Variants in TNFRSF10B observed in about 807,000 individuals in gnomAD.
The protein encoded by TNFRSF10B is TNF receptor superfamily member 10b.
A neutral mutation model predicts 41.4 loss-of-function variants in TNFRSF10B; 35 were observed. The observed-to-expected ratio is 0.85, with a 90% CI of 0.65 to 1.12. The LOEUF is 1.12. TNFRSF10B is among the 50% of genes most tolerant of loss of function. The pLI, the probability that TNFRSF10B is intolerant of heterozygous loss-of-function variation, is 0.00. For synonymous variants in TNFRSF10B, 230 were observed against 215.5 expected (o/e 1.07, Z -0.59); for missense variants, 584 against 552.7 (o/e 1.06, Z -0.57).
chr8:23,027,890 G>T (rs1013374013), intron 5 of TNFRSF10B, 137 bp from the exon 6 acceptor site: 12 of 996,530 alleles, frequency 1.2e-5, no homozygotes, highest in Non-Finnish European at 1.8e-5. Context: ...ACAGAATGGG[G>T]CCTTACAACT....
At chr8:23,027,866 C>G (rs1249803589) in intron 5 of TNFRSF10B, 113 bp from the exon 6 acceptor site, 1 of 1,343,224 alleles carries the variant, frequency 7.4e-7, no homozygotes, top group East Asian at 2.5e-5. Context: ...GGACAAGGAG[C>G]CCTGGGGCTG....
chr8:23,043,493 C>T (rs977697655), intron 1 of TNFRSF10B, among the ~76,000 whole-genome samples: 4 of 152,180 alleles, frequency 2.6e-5, no homozygotes, highest in African/African-American at 9.7e-5. Context: ...AAAGTTTTTA[C>T]AAGAATACAC....
intron 2 of TNFRSF10B, among the ~76,000 whole-genome samples, chr8:23,042,350 C>A (rs955277356): frequency 2.6e-5 from 4 of 152,242 alleles, no homozygotes; most frequent in African/African-American, 9.6e-5. Context: ...CCACTGCTTG[C>A]CACACTTGCC....
At chr8:23,023,531 G>A (rs1197430327) in intron 8 of TNFRSF10B, among the ~76,000 whole-genome samples, 1 of 152,096 alleles carries the variant, frequency 6.6e-6, no homozygotes, top group Non-Finnish European at 1.5e-5. Flanking sequence ...GAGCAATGCT[G>A]CCCAGATCTC....
rs35953846 is a variant in TNFRSF10B, at chr8:23,045,060, C to CAAA, written c.145-1820_145-1818dup. 4.3e-3 allele frequency among the ~76,000 whole-genome samples: 166 copies of CAAA among 38,798 alleles called. 4 individuals carry two copies. Among genetic ancestry groups the CAAA allele is most frequent in the South Asian group, 9.1e-3 (7 of 770 alleles). 25.5% of individuals were successfully genotyped at this position (38,798 alleles called of 152,430 possible). On this transcript the variant is annotated intron_variant, in intron 1 of 8. Transcript: ENST00000276431. Reference sequence around the variant, plus strand: ...GCAAAACCTCGTCCCTAATAAAATACAAAAAAAAAAAAAAAAAAAAAAAGC... The same window carrying CAAA: ...GCAAAACCTCGTCCCTAATAAAATACAAAAAAAAAAAAAAAAAAAAAAAAAAGC...
chr8:23,052,578 G>A (rs540116376), intron 1 of TNFRSF10B, among the ~76,000 whole-genome samples: 9 of 152,202 alleles, frequency 5.9e-5, no homozygotes, highest in South Asian at 2.1e-4. Flanking sequence ...GAGCCACCAC[G>A]CCTGGCCAAG....
intron 1 of TNFRSF10B, among the ~76,000 whole-genome samples, chr8:23,043,599 TTCTC>T (rs1387470764): frequency 6.6e-6 from 1 of 151,834 alleles, no homozygotes; most frequent in Non-Finnish European, 1.5e-5. Context: ...TATTCTCTCT[TTCTC>T]TCTTTCTCTT....
rs1206247114 is a variant in TNFRSF10B, at chr8:23,022,606, C to T, written c.*65G>A. On this transcript the variant is annotated 3_prime_UTR_variant, in exon 9 of 9. Coordinates refer to ENST00000276431, the MANE Select transcript of TNFRSF10B (RefSeq NM_003842.5). Reference sequence around the variant, plus strand: ...TGGCACTTTCCTACTGACTGGAGTCCAGTTGGGCTTTTTCCAGAAAAAAGG... The same window carrying T: ...TGGCACTTTCCTACTGACTGGAGTCTAGTTGGGCTTTTTCCAGAAAAAAGG... 5.1e-6 allele frequency: 8 copies of T among 1,577,130 alleles called. No individual in the cohort carries two copies. The highest frequency in any genetic ancestry group is 7.0e-6 in the Non-Finnish European group (8 of 1,149,728).
chr8:23,050,073 G>A (rs901157157), intron 1 of TNFRSF10B: 3 of 152,232 alleles, frequency 2.0e-5, no homozygotes, highest in Non-Finnish European at 4.4e-5. Flanking sequence ...GATAAGGAGC[G>A]GACGTGCTCA....
intron 1 of TNFRSF10B, among the ~76,000 whole-genome samples, chr8:23,054,438 T>C (rs1472466506): frequency 6.6e-6 from 1 of 152,230 alleles, no homozygotes; most frequent in East Asian, 1.9e-4. Flanking sequence ...TCTACCTGAT[T>C]TTCTCCAGAA....
rs1025563590 is a variant in TNFRSF10B, at chr8:23,035,244, C to T, written c.251-4372G>A. Among the ~76,000 whole-genome samples, 7 of 152,106 alleles carry T rather than the reference C, an allele frequency of 4.6e-5. No homozygotes were observed. In the East Asian group the frequency reaches 7.7e-4, roughly 17 times the overall value. The stretch of plus-strand genomic sequence containing the variant: ...GCAACCTGCACCTCCTGGGTTCAAG[C>T]GATTCTCATGCCTCAGCCTCCCAAG... On this transcript the variant is annotated intron_variant, in intron 2 of 8. Coordinates refer to ENST00000276431, the MANE Select transcript of TNFRSF10B (RefSeq NM_003842.5).
intron 2 of TNFRSF10B, among the ~76,000 whole-genome samples, chr8:23,038,901 T>C (rs1242174529): frequency 6.6e-6 from 1 of 152,082 alleles, no homozygotes; most frequent in Admixed American, 6.6e-5. Flanking sequence ...GGCATGGGGA[T>C]GGTTTCAGGA....
chr8:23,055,521 T>TTTAAAAAAAAA (rs1554510887), intron 1 of TNFRSF10B, among the ~76,000 whole-genome samples: 1 of 120,548 alleles, frequency 8.3e-6, no homozygotes, highest in Admixed American at 8.2e-5. Flanking sequence ...ATTAAATGCT[T>TTTAAAAAAAAA]AAAAAAAAAA....
intron 1 of TNFRSF10B, among the ~76,000 whole-genome samples, chr8:23,062,003 T>C (rs1189725716): frequency 6.6e-6 from 1 of 152,196 alleles, no homozygotes; most frequent in Non-Finnish European, 1.5e-5. Flanking sequence ...TTTCTTGTAA[T>C]ATCTTTATCT....
intron 8 of TNFRSF10B, 128 bp from the exon 9 acceptor site, chr8:23,023,112 C>T: frequency 1.7e-6 from 2 of 1,181,906 alleles, no homozygotes; most frequent in Middle Eastern, 2.7e-4. Context: ...CCTGCCGCTC[C>T]AGTGCCCACC....
chr8:23,026,908 G>T (rs1012408587), intron 7 of TNFRSF10B, among the ~76,000 whole-genome samples: 1 of 152,122 alleles, frequency 6.6e-6, no homozygotes, highest in African/African-American at 2.4e-5. Context: ...GGAGCTCCAG[G>T]CTCGGGGGAC....
chr8:23,066,287 A>C (rs935978248), intron 1 of TNFRSF10B, among the ~76,000 whole-genome samples: 1 of 152,192 alleles, frequency 6.6e-6, no homozygotes, highest in Non-Finnish European at 1.5e-5. Context: ...TGTCTCAAAA[A>C]AGAAAAACAC....
intron 1 of TNFRSF10B, among the ~76,000 whole-genome samples, chr8:23,066,500 A>AGC (rs1252258705): frequency 6.6e-6 from 1 of 152,194 alleles, no homozygotes; most frequent in Non-Finnish European, 1.5e-5. Context: ...AAAAGAACAG[A>AGC]TACTAAGTTA....
chr8:23,064,075 G>A (rs1307814562), intron 1 of TNFRSF10B, among the ~76,000 whole-genome samples: 3 of 152,350 alleles, frequency 2.0e-5, no homozygotes, highest in East Asian at 1.9e-4. Context: ...AACATGGCAC[G>A]GCCCTTCCTT....
Sources: allele counts gnomAD v4.1 joint callset (sites outside exome capture counted in the v4.1 genomes callset), GRCh38; gene constraint gnomAD v4.1.1; transcripts MANE v1.5; gene names NCBI Gene and HGNC (gene_info 2026-07-23, HGNC 2026-07-21).